Variants in VPS13D observed in about 807,000 individuals in gnomAD.
VPS13D encodes vacuolar protein sorting 13 homolog D, also known as intermembrane lipid transfer protein VPS13D.
A neutral mutation model predicts 461.9 loss-of-function variants in VPS13D; 187 were observed. The observed-to-expected ratio is 0.40, with a 90% CI of 0.36 to 0.46. VPS13D has a LOEUF of 0.46. Among genes scored for constraint, VPS13D ranks in the 20% least tolerant of loss-of-function variants. The probability of loss-of-function intolerance (pLI) is 0.60; values close to 1 mark genes in which losing one functional copy is unlikely to be tolerated. For missense variants in VPS13D, 4,711 were observed against 5,364.9 expected (o/e 0.88, Z 3.81); for synonymous variants, 1,951 against 1,986.3 (o/e 0.98, Z 0.47).
chr1:12,388,180 G>T (rs1644374145), intron 60 of VPS13D, among the ~76,000 whole-genome samples: 4 of 152,204 alleles, frequency 2.6e-5, no homozygotes, highest in Admixed American at 2.6e-4. Context: ...GATGTGGTAT[G>T]ATGTCACTTG....
chr1:12,330,593 A>C (rs564751503), intron 37 of VPS13D, among the ~76,000 whole-genome samples: 28 of 152,096 alleles, frequency 1.8e-4, no homozygotes, highest in African/African-American at 6.5e-4. Flanking sequence ...TTTGAGACCG[A>C]GTCTCACTCT....
At chr1:12,292,347 T>G (rs1642158616) in intron 23 of VPS13D, among the ~76,000 whole-genome samples, 1 of 151,236 alleles carries the variant, frequency 6.6e-6, no homozygotes, top group Admixed American at 6.6e-5. Context: ...TTTTTCTTTT[T>G]TTTAATCTAA....
chr1:12,301,832 G>A (rs1300977652), intron 25 of VPS13D, among the ~76,000 whole-genome samples: 1 of 152,112 alleles, frequency 6.6e-6, no homozygotes, highest in Non-Finnish European at 1.5e-5. Context: ...CATACACAAG[G>A]ACATTTTATC....
intron 38 of VPS13D, among the ~76,000 whole-genome samples, chr1:12,334,085 TC>T (rs1432180315): frequency 2.0e-5 from 3 of 152,238 alleles, no homozygotes; most frequent in Admixed American, 6.5e-5. Context: ...ATTGTGAACT[TC>T]CTTTGGTGTG....
In VPS13D at chr1:12,495,227, G is replaced by A. The variant is rs1645941034; in HGVS notation, c.12663-2273G>A. ...TGCAGTGGCAGGATCTCGGCTCACT[G>A]CAAGCTCCGCCTCCCAGGTTCATGC... On this transcript the variant is annotated intron_variant, in intron 67 of 69. Coordinates refer to ENST00000620676, the MANE Select transcript of VPS13D (RefSeq NM_015378.4). The surrounding 1 kb of genome is among the most constrained non-coding windows in gnomAD (Gnocchi z 4.0). Among the ~76,000 whole-genome samples the A allele has an allele frequency of 1.3e-5, 2 of 149,092 alleles. No homozygotes were observed. Among genetic ancestry groups the A allele is most frequent in the Non-Finnish European group, 3.0e-5 (2 of 67,706 alleles).
intron 54 of VPS13D, among the ~76,000 whole-genome samples, chr1:12,372,668 A>C (rs150353801): frequency 6.6e-6 from 1 of 151,718 alleles, no homozygotes; most frequent in Non-Finnish European, 1.5e-5. Flanking sequence ...TTTTACTTTT[A>C]GATTGTGTCC....
At position 12,330,924 on chromosome 1, in the gene VPS13D, A is replaced by T. The variant is rs559977841; in HGVS notation, c.8287+1006A>T. ...CCACTGGGTTTGTTTGTTTTATTAGAATCTACTGAGTCAGTGACACTATAT... is the reference window on the plus strand; with the variant it reads ...CCACTGGGTTTGTTTGTTTTATTAGTATCTACTGAGTCAGTGACACTATAT... On this transcript the variant is annotated intron_variant, in intron 37 of 69. Coordinates refer to ENST00000620676, the MANE Select transcript of VPS13D (RefSeq NM_015378.4). Among the ~76,000 whole-genome samples the T allele has an allele frequency of 1.2e-4, 19 of 152,252 alleles. No individual in the cohort carries two copies. The East Asian group carries it at 3.3e-3, about 26-fold the overall frequency.
At chr1:12,348,294 G>C (rs996921827) in intron 44 of VPS13D, among the ~76,000 whole-genome samples, 2 of 152,104 alleles carry the variant, frequency 1.3e-5, no homozygotes, top group South Asian at 4.1e-4. Flanking sequence ...TAACACAGAA[G>C]GTAAATCATT....
intron 23 of VPS13D, among the ~76,000 whole-genome samples, chr1:12,292,336 T>C (rs1642157631): frequency 6.6e-6 from 1 of 151,062 alleles, no homozygotes; most frequent in Non-Finnish European, 1.5e-5. Flanking sequence ...CAACCCTTTT[T>C]TTTTTCTTTT....
intron 67 of VPS13D, among the ~76,000 whole-genome samples, chr1:12,493,271 G>A (rs894557071): frequency 2.0e-5 from 3 of 151,288 alleles, no homozygotes; most frequent in African/African-American, 4.9e-5. Flanking sequence ...GGTGGATCAC[G>A]AGGTCAGGAG....
At position 12,279,506 on chromosome 1, in the gene VPS13D, C is replaced by T; in HGVS notation, c.4458C>T (p.His1486=). The T allele has an allele frequency of 6.3e-7, 1 of 1,592,696 alleles. No homozygotes were observed. The highest frequency in any genetic ancestry group is 8.6e-7 in the Non-Finnish European group (1 of 1,165,582). ...FESLHRGQAF[H]ILNNTTIQFK... ...TCATCTCTTTTATGCCAGCTTTTCACATCCTGAACAACACCACCATTCAGT... is the reference window on the plus strand; with the variant it reads ...TCATCTCTTTTATGCCAGCTTTTCATATCCTGAACAACACCACCATTCAGT... The change falls in exon 20 of 70, where the codon CAC becomes CAT. Residue 1486 remains histidine (H), a synonymous_variant. Transcript: ENST00000620676. This position sits in a 1 kb window ranked among gnomAD's most constrained non-coding sequence, Gnocchi z 4.3.
chr1:12,298,920 G>A (rs1208302896), intron 24 of VPS13D, among the ~76,000 whole-genome samples: 1 of 152,014 alleles, frequency 6.6e-6, no homozygotes, highest in African/African-American at 2.4e-5. Context: ...AATGTATTAT[G>A]TCTTCCTTAT....
chr1:12,486,523 AC>A (rs998381178), intron 67 of VPS13D, among the ~76,000 whole-genome samples: 5 of 152,256 alleles, frequency 3.3e-5, no homozygotes, highest in African/African-American at 1.2e-4. Flanking sequence ...TCCAAGCCCC[AC>A]TGTTCTTTTC....
chr1:12,348,717 A>T, intron 44 of VPS13D, 106 bp from the exon 45 acceptor site: 2 of 1,354,148 alleles, frequency 1.5e-6, no homozygotes, highest in Non-Finnish European at 2.0e-6. Context: ...CTGAAGAACT[A>T]TAGTAGTAAT....
intron 30 of VPS13D, 25 bp downstream of exon 30, chr1:12,314,352 C>T: frequency 6.3e-7 from 1 of 1,594,974 alleles, no homozygotes; most frequent in South Asian, 1.1e-5. Context: ...CCCTTCTCTG[C>T]CTTTCTTTGT....
chr1:12,466,184 A>G (rs1483261765), intron 67 of VPS13D, among the ~76,000 whole-genome samples: 1 of 152,150 alleles, frequency 6.6e-6, no homozygotes, highest in African/African-American at 2.4e-5. Flanking sequence ...TGCTTCCATT[A>G]ACTTTTTCAT....
intron 35 of VPS13D, among the ~76,000 whole-genome samples, chr1:12,325,848 A>G (rs1643167921): frequency 6.6e-6 from 1 of 152,060 alleles, no homozygotes; most frequent in Non-Finnish European, 1.5e-5. Flanking sequence ...ACACACTTCT[A>G]TGTAGTAAAC....
At chr1:12,309,295 C>T (rs1294013264) in intron 27 of VPS13D, among the ~76,000 whole-genome samples, 3 of 149,820 alleles carry the variant, frequency 2.0e-5, no homozygotes, top group Non-Finnish European at 3.0e-5. Context: ...ACTGCAACCT[C>T]CACCTCCCGG....
At chr1:12,268,028 C>T (rs1641325438) in intron 15 of VPS13D, 108 bp downstream of exon 15, 2 of 866,882 alleles carry the variant, frequency 2.3e-6, no homozygotes, top group Non-Finnish European at 3.5e-6. Context: ...GTGGTGTGAT[C>T]TTGGCTCACT....
Sources: gnomAD v4.1 joint callset for allele counts (sites outside exome capture counted in the v4.1 genomes callset) on GRCh38, gnomAD v4.1.1 for gene constraint, Gnocchi (gnomAD v3.1) non-coding constraint, MANE v1.5 for transcripts, NCBI Gene and HGNC (gene_info 2026-07-23, HGNC 2026-07-21) for gene names.